The following CACNA2D1 variants were observed in gnomAD, a reference collection of about 807,000 sequenced individuals.
The protein encoded by CACNA2D1 is voltage-dependent calcium channel subunit alpha-2/delta-1.
Under a neutral mutation model 171.5 loss-of-function variants are expected in CACNA2D1, and 53 were observed. That is an observed-to-expected ratio of 0.31 (90% CI 0.25 to 0.39). The LOEUF (loss-of-function observed/expected upper bound fraction) is 0.39. Among genes scored for constraint, CACNA2D1 ranks in the 10% least tolerant of loss-of-function variants. The pLI is 1.00. For missense variants in CACNA2D1, 903 were observed against 1,299.8 expected (o/e 0.69, Z 4.69); for synonymous variants, 442 against 443.1 (o/e 1.00, Z 0.03).
At chr7:82,139,976 T>A (rs1174587738) in intron 4 of CACNA2D1, among the ~76,000 whole-genome samples, 1 of 148,216 alleles carries the variant, frequency 6.7e-6, no homozygotes, top group Non-Finnish European at 1.5e-5. Flanking sequence ...TTATTATTAT[T>A]AACGGTGTTT....
intron 12 of CACNA2D1, among the ~76,000 whole-genome samples, chr7:82,026,234 C>A (rs1260217776): frequency 6.6e-6 from 1 of 151,446 alleles, no homozygotes; most frequent in Non-Finnish European, 1.5e-5. Flanking sequence ...TTTATCCATT[C>A]AGCCACTCTG....
At chr7:82,039,367 C>T (rs2131213200) in intron 10 of CACNA2D1, among the ~76,000 whole-genome samples, 1 of 152,222 alleles carries the variant, frequency 6.6e-6, no homozygotes, top group Non-Finnish European at 1.5e-5. Context: ...AGAATCATGG[C>T]AGGTAGTAGT....
chr7:81,978,401 C>T (rs1225356677), intron 24 of CACNA2D1, among the ~76,000 whole-genome samples: 3 of 152,036 alleles, frequency 2.0e-5, no homozygotes, highest in Non-Finnish European at 4.4e-5. Flanking sequence ...GAATACTATG[C>T]AGCCATAATA....
chr7:82,069,860 C>CATGAG (rs1808115299), intron 7 of CACNA2D1, among the ~76,000 whole-genome samples: 1 of 152,046 alleles, frequency 6.6e-6, no homozygotes, highest in Non-Finnish European at 1.5e-5. Context: ...CTAAAAACTT[C>CATGAG]ACAGTCTTAG....
chr7:81,998,346 A>C (rs1432736106), intron 18 of CACNA2D1, among the ~76,000 whole-genome samples: 3 of 152,000 alleles, frequency 2.0e-5, no homozygotes, highest in Non-Finnish European at 4.4e-5. Context: ...GGTCACTCAA[A>C]CTTTAATAAT....
intron 3 of CACNA2D1, among the ~76,000 whole-genome samples, chr7:82,260,428 C>A (rs17261782): frequency 6.6e-6 from 1 of 152,070 alleles, no homozygotes; most frequent in Non-Finnish European, 1.5e-5. Context: ...CTATAGGGAA[C>A]TAAAGATTTC....
intron 3 of CACNA2D1, among the ~76,000 whole-genome samples, chr7:82,260,697 C>T (rs1225641213): frequency 6.6e-6 from 1 of 152,094 alleles, no homozygotes; most frequent in African/African-American, 2.4e-5. Context: ...ACATAACTTG[C>T]CCAAGGTTGC....
intron 3 of CACNA2D1, among the ~76,000 whole-genome samples, chr7:82,324,345 C>A (rs1196275807): frequency 7.0e-6 from 1 of 143,860 alleles, no homozygotes; most frequent in Non-Finnish European, 1.5e-5. Flanking sequence ...GCAACAAGAG[C>A]CAAACTCCAA....
intron 3 of CACNA2D1, among the ~76,000 whole-genome samples, chr7:82,181,358 G>C (rs951733909): frequency 2.0e-5 from 3 of 151,890 alleles, no homozygotes; most frequent in African/African-American, 7.3e-5. Context: ...GCAATTCTTT[G>C]GTGACTCTGC....
intron 3 of CACNA2D1, among the ~76,000 whole-genome samples, chr7:82,252,954 G>A (rs1293272301): frequency 6.6e-6 from 1 of 151,966 alleles, no homozygotes; most frequent in Non-Finnish European, 1.5e-5. Context: ...GATTGAGGGA[G>A]AGATAAGAGA....
intron 5 of CACNA2D1, among the ~76,000 whole-genome samples, chr7:82,129,708 C>G (rs1790735810): frequency 1.3e-5 from 2 of 152,158 alleles, no homozygotes; most frequent in South Asian, 4.1e-4. Context: ...GTCTTTAATA[C>G]TTACTTTACT....
chr7:82,138,440 G>GTTTTTTTTTTTTTTTTT (rs1423711232), intron 4 of CACNA2D1, among the ~76,000 whole-genome samples: 4 of 95,348 alleles, frequency 4.2e-5, no homozygotes, highest in African/African-American at 1.4e-4. Context: ...TGTTTTTTTT[G>GTTTTTTTTTTTTTTTTT]TTTTTTTTGT....
intron 16 of CACNA2D1, 45 bp downstream of exon 16, chr7:82,007,634 C>T: frequency 1.0e-6 from 1 of 983,554 alleles, no homozygotes; most frequent in Non-Finnish European, 1.6e-6. Context: ...TTCAACGTCA[C>T]AGTTTGTCAT....
At chr7:82,191,116 C>A (rs947908758) in intron 3 of CACNA2D1, among the ~76,000 whole-genome samples, 31 of 151,646 alleles carry the variant, frequency 2.0e-4, no homozygotes, top group African/African-American at 7.5e-4. Context: ...TCACAATCCC[C>A]TTATTACATA....
In CACNA2D1 at chr7:82,397,643, A is replaced by G. The variant is rs151302982; in HGVS notation, c.95+45722T>C. On this transcript the variant is annotated intron_variant, in intron 1 of 38. Transcript: ENST00000356860. ...TCATGAGGTATCTGCACAAGGAGCA[A>G]TATCAGTATAGAAAGTAGCAACTGA... is the stretch of plus-strand genomic sequence containing the variant. Among the ~76,000 whole-genome samples the G allele has an allele frequency of 1.5e-4, 23 of 152,354 alleles. No homozygotes were observed. In the East Asian group the frequency reaches 4.0e-3, roughly 27 times the overall value.
Position 81,948,262 on chromosome 7 carries a change from C to T in CACNA2D1, c.*2130G>A, listed in dbSNP as rs907912783. ...CAATAACTTTTAAATATTTAACAAA[C>T]AACATGATTAAAACATTGTTACTAG... On this transcript the variant is annotated 3_prime_UTR_variant, in exon 39 of 39. Coordinates refer to ENST00000356860, the MANE Select transcript of CACNA2D1 (RefSeq NM_000722.4). 2 of 151,722 alleles carry T rather than the reference C, an allele frequency of 1.3e-5. No homozygotes were observed. Among genetic ancestry groups the T allele is most frequent in the African/African-American group, 4.8e-5 (2 of 41,372 alleles). 9.4% of individuals were successfully genotyped at this position (151,722 alleles called of 1,614,324 possible).
At chr7:81,991,644 A>C (rs1400635118) in intron 20 of CACNA2D1, among the ~76,000 whole-genome samples, 6 of 152,204 alleles carry the variant, frequency 3.9e-5, no homozygotes, top group Non-Finnish European at 1.5e-5. Context: ...TATGATTAGC[A>C]TATGACTGTT....
At chr7:82,128,043 C>T (rs1790534345) in intron 5 of CACNA2D1, among the ~76,000 whole-genome samples, 1 of 152,088 alleles carries the variant, frequency 6.6e-6, no homozygotes, top group African/African-American at 2.4e-5. Flanking sequence ...CCCACCTCAG[C>T]CTCCCAAGTA....
At position 82,060,366 on chromosome 7, in the gene CACNA2D1, A is replaced by C. The variant is rs190846598; in HGVS notation, c.879+62T>G. On this transcript the variant is annotated intron_variant, in intron 10 of 38. Coordinates refer to ENST00000356860, the MANE Select transcript of CACNA2D1 (RefSeq NM_000722.4). ...ATAAGATAAAAGTATAAAGTACCTA[A>C]AGTCAGGAGAAGATAGAAATTGCAA... is the stretch of plus-strand genomic sequence containing the variant. 308 of 1,074,048 alleles carry C rather than the reference A, an allele frequency of 2.9e-4. 5 individuals are homozygous for C. In the East Asian group the frequency reaches 6.4e-3, roughly 22 times the overall value. 66.5% of individuals were successfully genotyped at this position (1,074,048 alleles called of 1,614,324 possible).
Sources: gnomAD v4.1 joint callset for allele counts (sites outside exome capture counted in the v4.1 genomes callset) on GRCh38, gnomAD v4.1.1 for gene constraint, MANE v1.5 for transcripts, NCBI Gene and HGNC (gene_info 2026-07-23, HGNC 2026-07-21) for gene names.